Variants in KAT6A observed in about 807,000 individuals in gnomAD.
The protein encoded by KAT6A is histone acetyltransferase KAT6A.
A neutral mutation model predicts 198.4 loss-of-function variants in KAT6A; 9 were observed. The ratio of observed to expected loss-of-function variants is 0.05; its 90% CI spans 0.03 to 0.08. KAT6A has a LOEUF of 0.08. Ranked by LOEUF, KAT6A falls within the 10% of genes least tolerant of loss-of-function variation. The pLI is 1.00. For synonymous variants in KAT6A, 890 were observed against 883.0 expected (o/e 1.01, Z -0.14); for missense variants, 2,077 against 2,509.9 (o/e 0.83, Z 3.69).
intron 2 of KAT6A, among the ~76,000 whole-genome samples, chr8:41,991,272 A>G (rs1824933169): frequency 6.6e-6 from 1 of 152,236 alleles, no homozygotes; most frequent in Admixed American, 6.5e-5. Context: ...TAAACAGATA[A>G]ACTGTGCTGT....
At chr8:42,005,675 G>C (rs1825703910) in intron 2 of KAT6A, among the ~76,000 whole-genome samples, 1 of 152,100 alleles carries the variant, frequency 6.6e-6, no homozygotes, top group Non-Finnish European at 1.5e-5. Context: ...CTGTTTTACA[G>C]GCTGCCAGCC....
chr8:41,944,765 CTT>C (rs1822295580), intron 12 of KAT6A, among the ~76,000 whole-genome samples: 1 of 152,198 alleles, frequency 6.6e-6, no homozygotes, highest in African/African-American at 2.4e-5. Context: ...TTTTCCCTAA[CTT>C]TGCAATTTAA....
At chr8:41,979,273 A>G (rs1824226238) in intron 5 of KAT6A, among the ~76,000 whole-genome samples, 1 of 152,182 alleles carries the variant, frequency 6.6e-6, no homozygotes, top group African/African-American at 2.4e-5. Flanking sequence ...GTCTCAAAAA[A>G]AAAGTTTCCT....
chr8:42,029,981 T>C (rs1052625133), intron 2 of KAT6A, among the ~76,000 whole-genome samples: 10 of 152,220 alleles, frequency 6.6e-5, no homozygotes, highest in African/African-American at 2.4e-4. Flanking sequence ...AGAATTAATA[T>C]GCTCTGCACT....
chr8:42,004,572 C>G (rs1825647571), intron 2 of KAT6A, among the ~76,000 whole-genome samples: 1 of 152,158 alleles, frequency 6.6e-6, no homozygotes, highest in African/African-American at 2.4e-5. Flanking sequence ...ATTCAATAGA[C>G]TAGTAAATGA....
At position 42,049,289 on chromosome 8, in the gene KAT6A, T is replaced by C. The variant is rs992362286; in HGVS notation, c.-312A>G. The C allele has an allele frequency of 6.0e-6, 2 of 335,900 alleles. No individual in the cohort carries two copies. The highest frequency in any genetic ancestry group is 8.9e-5 in the East Asian group (2 of 22,460). 20.8% of individuals were successfully genotyped at this position (335,900 alleles called of 1,614,324 possible). On this transcript the variant is annotated 5_prime_UTR_variant, in exon 2 of 17. Coordinates refer to ENST00000265713, the MANE Select transcript of KAT6A (RefSeq NM_006766.5). ...CATTCCCGGCTCCAGAGCAGAAAAA[T>C]GTGCATCTTATGCCTGAAAAGCAAT...
At chr8:41,934,924 C>T in intron 16 of KAT6A, 57 bp from the exon 17 acceptor site, 1 of 1,363,614 alleles carries the variant, frequency 7.3e-7, no homozygotes, top group Non-Finnish European at 1.0e-6. Context: ...TTTTCTAGTT[C>T]CTTCTTCCAA....
chr8:41,965,345 T>A lies in KAT6A; in HGVS notation c.1482+9359A>T, dbSNP rs1350262706. Among the ~76,000 whole-genome samples the A allele has an allele frequency of 3.3e-5, 5 of 152,214 alleles. No homozygotes were observed. In the East Asian group the frequency reaches 9.6e-4, roughly 29 times the overall value. On this transcript the variant is annotated intron_variant, in intron 8 of 16. Coordinates refer to ENST00000265713, the MANE Select transcript of KAT6A (RefSeq NM_006766.5). Reference sequence around the variant, plus strand: ...CAACTGTTTAAAAATATTAAAACCATCCTCAGCTTGCAGGTCATACAAAAC... The same window carrying A: ...CAACTGTTTAAAAATATTAAAACCAACCTCAGCTTGCAGGTCATACAAAAC...
intron 8 of KAT6A, among the ~76,000 whole-genome samples, chr8:41,972,553 T>G (rs764488743): frequency 2.0e-5 from 3 of 152,172 alleles, no homozygotes; most frequent in African/African-American, 7.2e-5. Flanking sequence ...CCTGTGGAAT[T>G]TTCTAATCAT....
intron 2 of KAT6A, among the ~76,000 whole-genome samples, chr8:42,013,028 G>A (rs1482640453): frequency 6.6e-6 from 1 of 150,730 alleles, no homozygotes; most frequent in Non-Finnish European, 1.5e-5. Context: ...ATAGCTCAGT[G>A]GTTTGCCAGG....
At chr8:41,974,999 T>C (rs1038377637) in intron 7 of KAT6A, among the ~76,000 whole-genome samples, 177 bp from the exon 8 acceptor site, 3 of 152,176 alleles carry the variant, frequency 2.0e-5, no homozygotes, top group African/African-American at 7.2e-5. Flanking sequence ...TAAATCTGCC[T>C]TATAGTGGAA....
In KAT6A at chr8:41,978,905, C is replaced by T. The variant is rs181808703; in HGVS notation, c.908-128G>A. ...CTGTCATTAGAAAATCTGATGAATA[C>T]CCCCTCCAATCCAAAATAAACATTA... On this transcript the variant is annotated intron_variant, in intron 5 of 16. Coordinates refer to ENST00000265713, the MANE Select transcript of KAT6A (RefSeq NM_006766.5). 678 of 758,514 alleles carry T rather than the reference C, an allele frequency of 8.9e-4. 1 individual carries two copies. Among genetic ancestry groups the T allele is most frequent in the South Asian group, 2.0e-3 (110 of 55,982 alleles). The allele number at this position is 758,514 out of a possible 1,614,324, so 47.0% of individuals were successfully genotyped here.
At chr8:42,005,120 A>G (rs1255952474) in intron 2 of KAT6A, among the ~76,000 whole-genome samples, 2 of 152,178 alleles carry the variant, frequency 1.3e-5, no homozygotes, top group African/African-American at 4.8e-5. Context: ...TCCCCATTTG[A>G]GGAACATTTG....
At chr8:42,036,645 AG>A (rs1827392517) in intron 2 of KAT6A, among the ~76,000 whole-genome samples, 1 of 152,074 alleles carries the variant, frequency 6.6e-6, no homozygotes, top group African/African-American at 2.4e-5. Context: ...AAATGGCTGG[AG>A]TTTGCCAACA....
intron 8 of KAT6A, among the ~76,000 whole-genome samples, chr8:41,972,337 T>C (rs909964621): frequency 6.6e-6 from 1 of 152,224 alleles, no homozygotes; most frequent in Non-Finnish European, 1.5e-5. Context: ...CTAAATGTGG[T>C]AGATAAAAGT....
intron 2 of KAT6A, among the ~76,000 whole-genome samples, chr8:41,988,194 G>A (rs1395587515): frequency 6.6e-6 from 1 of 152,174 alleles, no homozygotes; most frequent in African/African-American, 2.4e-5. Context: ...GAGTGATGGA[G>A]AGAAGGCAAT....
At chr8:41,985,590 C>G (rs1317812295) in intron 3 of KAT6A, among the ~76,000 whole-genome samples, 3 of 152,160 alleles carry the variant, frequency 2.0e-5, no homozygotes, top group Non-Finnish European at 4.4e-5. Context: ...CTTAGCACTT[C>G]AGCACCAACT....
chr8:42,045,997 T>C (rs1356655046), intron 2 of KAT6A, among the ~76,000 whole-genome samples: 1 of 151,916 alleles, frequency 6.6e-6, no homozygotes, highest in African/African-American at 2.4e-5. Flanking sequence ...TAAACTTTTC[T>C]TAATGCAAAG....
chr8:41,964,802 T>C (rs1253692934), intron 8 of KAT6A, among the ~76,000 whole-genome samples: 2 of 152,128 alleles, frequency 1.3e-5, no homozygotes, highest in African/African-American at 4.8e-5. Context: ...AACAGAACAA[T>C]TAAAACGATG....
Sources: allele counts gnomAD v4.1 joint callset (sites outside exome capture counted in the v4.1 genomes callset), GRCh38; gene constraint gnomAD v4.1.1; transcripts MANE v1.5; gene names NCBI Gene and HGNC (gene_info 2026-07-23, HGNC 2026-07-21).